Variants in SLC29A3 observed in about 807,000 individuals in gnomAD.
SLC29A3 encodes the protein equilibrative nucleoside transporter 3.
SLC29A3 carries 18 observed loss-of-function variants against 25.4 expected under a neutral mutation model. The ratio of observed to expected loss-of-function variants is 0.71; its 90% CI spans 0.49 to 1.05. The LOEUF (loss-of-function observed/expected upper bound fraction) is 1.05, where lower values mean the gene tolerates loss of function less well. Ranked by LOEUF, SLC29A3 falls within the 50% of genes least tolerant of loss-of-function variation. The pLI, the probability that SLC29A3 is intolerant of heterozygous loss-of-function variation, is 0.00. For synonymous variants in SLC29A3, 258 were observed against 267.1 expected (o/e 0.97, Z 0.33); for missense variants, 586 against 609.0 (o/e 0.96, Z 0.40).
chr10:71,333,295 T>G (rs74147850), intron 2 of SLC29A3, among the ~76,000 whole-genome samples: 2,965 of 152,352 alleles, frequency 0.019, 114 homozygotes, highest in African/African-American at 0.068. Flanking sequence ...AATGGGTTAA[T>G]GAGTACTCTA....
downstream of SLC29A3, among the ~76,000 whole-genome samples, chr10:71,363,646 A>T (rs1847127408): frequency 6.6e-6 from 1 of 151,464 alleles, no homozygotes; most frequent in Non-Finnish European, 1.5e-5. Flanking sequence ...GTATTTTTAA[A>T]ATTTTTCATA....
chr10:71,356,490 G>A (rs1019536519), intron 5 of SLC29A3, among the ~76,000 whole-genome samples: 2 of 152,136 alleles, frequency 1.3e-5, no homozygotes, highest in African/African-American at 4.8e-5. Flanking sequence ...CCTTATTCCA[G>A]CGCTGTGTTC....
At chr10:71,358,379 G>C (rs1242878793) in intron 5 of SLC29A3, among the ~76,000 whole-genome samples, 2 of 152,186 alleles carry the variant, frequency 1.3e-5, no homozygotes, top group Non-Finnish European at 2.9e-5. Flanking sequence ...TCAGGGTTCT[G>C]AGGATAGGAG....
At chr10:71,339,127 C>T (rs1589228909) in intron 2 of SLC29A3, among the ~76,000 whole-genome samples, 2 of 152,348 alleles carry the variant, frequency 1.3e-5, no homozygotes, top group East Asian at 1.9e-4. Context: ...ATTCCTCTAC[C>T]TCTGTGAGCC....
At position 71,338,128 on chromosome 10, in the gene SLC29A3, C is replaced by A. The variant is rs1203149290; in HGVS notation, c.301-6081C>A. Among the ~76,000 whole-genome samples the A allele has an allele frequency of 2.0e-5, 3 of 152,190 alleles. No homozygotes were observed. The East Asian group carries it at 5.8e-4, about 29-fold the overall frequency. ...CTGGGTGAGGAACCCCCATGCCCAC[C>A]CTGGGCCAGTCTGGGTGAGGCCCCC... On this transcript the variant is annotated intron_variant, in intron 2 of 5. Coordinates refer to ENST00000373189, the MANE Select transcript of SLC29A3 (RefSeq NM_018344.6).
At chr10:71,376,191 A>C (rs200163340) in intron 4 of SLC29A3, among the ~76,000 whole-genome samples, 2 of 152,240 alleles carry the variant, frequency 1.3e-5, no homozygotes, top group African/African-American at 4.8e-5. Context: ...AGCTCTGACC[A>C]CAGCCACTCT....
At chr10:71,379,210 T>C (rs1241729645) in intron 4 of SLC29A3, among the ~76,000 whole-genome samples, 1 of 152,230 alleles carries the variant, frequency 6.6e-6, no homozygotes, top group African/African-American at 2.4e-5. Context: ...AGCCCATGTT[T>C]TGCTCTCTTG....
At chr10:71,329,073 C>G (rs1271164672) in intron 2 of SLC29A3, among the ~76,000 whole-genome samples, 1 of 152,178 alleles carries the variant, frequency 6.6e-6, no homozygotes, top group South Asian at 2.1e-4. Context: ...GTACCCACCT[C>G]CCGCTTGACC....
intron 3 of SLC29A3, among the ~76,000 whole-genome samples, chr10:71,348,796 GT>G (rs1846667017): frequency 6.6e-6 from 1 of 152,202 alleles, no homozygotes; most frequent in African/African-American, 2.4e-5. Context: ...TTAATGCAAG[GT>G]TCCCCACAAG....
At chr10:71,354,734 G>A (rs565302371) in intron 4 of SLC29A3, among the ~76,000 whole-genome samples, 1 of 152,326 alleles carries the variant, frequency 6.6e-6, no homozygotes, top group Admixed American at 6.5e-5. Context: ...CATCCCGCCA[G>A]TCAACCCAGC....
downstream of SLC29A3, among the ~76,000 whole-genome samples, chr10:71,364,045 A>G (rs766907114): frequency 2.0e-5 from 3 of 152,038 alleles, no homozygotes; most frequent in Non-Finnish European, 2.9e-5. Flanking sequence ...TGGGATGGCC[A>G]GCCTGCTGTA....
intron 2 of SLC29A3, among the ~76,000 whole-genome samples, chr10:71,339,796 C>T (rs986854585): frequency 2.6e-5 from 4 of 152,158 alleles, no homozygotes; most frequent in Admixed American, 6.5e-5. Context: ...CATGCTTCCC[C>T]CAATCTTTCC....
rs1305340427 is a variant in SLC29A3, at chr10:71,319,264, T to C, written c.-46T>C. The C allele has an allele frequency of 1.6e-6, 1 of 611,796 alleles. No individual in the cohort carries two copies. The highest frequency in any genetic ancestry group is 2.9e-6 in the Non-Finnish European group (1 of 341,248). The allele number at this position is 611,796 out of a possible 1,614,324, so 37.9% of individuals were successfully genotyped here. ...GCCTGCCGCCTGCCAAGCCCAGTGG[T>C]CCTGGCCGTGCGCCGGAGGCAGCGG... On this transcript the variant is annotated 5_prime_UTR_variant, in exon 1 of 6. Transcript: ENST00000373189.
intron 2 of SLC29A3, among the ~76,000 whole-genome samples, chr10:71,337,619 A>G (rs1362394291): frequency 2.0e-5 from 3 of 152,212 alleles, no homozygotes; most frequent in African/African-American, 7.2e-5. Context: ...CAGCACGGAC[A>G]CTGAGTCTGC....
chr10:71,373,821 T>G (rs1368851924), intron 3 of SLC29A3, among the ~76,000 whole-genome samples: 1 of 152,180 alleles, frequency 6.6e-6, no homozygotes, highest in African/African-American at 2.4e-5. Context: ...CCCAGACCCA[T>G]GGCCCCAAGG....
chr10:71,337,532 G>A (rs993534911), intron 2 of SLC29A3, among the ~76,000 whole-genome samples: 32 of 152,218 alleles, frequency 2.1e-4, no homozygotes, highest in Admixed American at 1.4e-3. Flanking sequence ...TCGCCCGCCC[G>A]GTAGGAGCCC....
intron 3 of SLC29A3, among the ~76,000 whole-genome samples, chr10:71,346,748 C>A (rs1012125924): frequency 1.3e-5 from 2 of 152,178 alleles, no homozygotes; most frequent in Non-Finnish European, 2.9e-5. Context: ...GTGCTTGGAA[C>A]CCCTGAGCCA....
At chr10:71,335,443 G>A (rs945198253) in intron 2 of SLC29A3, among the ~76,000 whole-genome samples, 4 of 152,202 alleles carry the variant, frequency 2.6e-5, no homozygotes, top group African/African-American at 7.2e-5. Flanking sequence ...GAGGAGGGGC[G>A]TGGCAGTCAC....
chr10:71,328,726 G>T (rs980583564), intron 2 of SLC29A3, among the ~76,000 whole-genome samples: 2 of 152,204 alleles, frequency 1.3e-5, no homozygotes, highest in Admixed American at 1.3e-4. Context: ...AGAAGATCTG[G>T]GAGTCACAGT....
Sources: allele counts gnomAD v4.1 joint callset (sites outside exome capture counted in the v4.1 genomes callset), GRCh38; gene constraint gnomAD v4.1.1; transcripts MANE v1.5; gene names NCBI Gene and HGNC (gene_info 2026-07-23, HGNC 2026-07-21).